The following EIF5B variants were observed in gnomAD, a reference collection of about 807,000 sequenced individuals.
EIF5B encodes eIF-5B.
A neutral mutation model predicts 147.5 loss-of-function variants in EIF5B; 47 were observed. The ratio of observed to expected loss-of-function variants is 0.32; its 90% CI spans 0.25 to 0.41. EIF5B has a LOEUF of 0.41. EIF5B is among the 10% of genes least tolerant of loss of function. The pLI, the probability that EIF5B is intolerant of heterozygous loss-of-function variation, is 1.00. For missense variants in EIF5B, 1,064 were observed against 1,413.2 expected, an observed-to-expected ratio of 0.75 and a Z score of 3.96; for synonymous variants, 455 against 456.2, an observed-to-expected ratio of 1.00 and a Z score of 0.03.
intron 9 of EIF5B, among the ~76,000 whole-genome samples, chr2:99,372,022 A>G (rs1436919436): frequency 6.6e-6 from 1 of 152,230 alleles, no homozygotes; most frequent in Non-Finnish European, 1.5e-5. Context: ...CTGACCTACA[A>G]AAAGCACTGT....
intron 6 of EIF5B, 86 bp from the exon 7 acceptor site, chr2:99,368,407 G>A: frequency 2.1e-6 from 2 of 955,284 alleles, no homozygotes; most frequent in Admixed American, 2.2e-5. Context: ...TGTCTCTGTG[G>A]TGAATGAAAT....
chr2:99,379,666 T>C (rs934756876), intron 12 of EIF5B, among the ~76,000 whole-genome samples: 2 of 152,192 alleles, frequency 1.3e-5, no homozygotes, highest in African/African-American at 4.8e-5. Context: ...AGGCAGCCAC[T>C]ATTCCACAGT....
rs1226417973 is a variant in EIF5B, at chr2:99,401,110, T to G, written c.*1696T>G. The G allele has an allele frequency of 1.9e-6, 1 of 520,196 alleles. No individual in the cohort carries two copies. Among genetic ancestry groups the G allele is most frequent in the Non-Finnish European group, 3.4e-6 (1 of 296,576 alleles). The allele number at this position is 520,196 out of a possible 1,614,324, so 32.2% of individuals were successfully genotyped here. On this transcript the variant is annotated 3_prime_UTR_variant, in exon 24 of 24. Transcript: ENST00000289371. ...AAATTTGGCACTTTTTGAAAAGAAATGTACAAAACACTTGCTTTAAAAGAA... is the reference window on the plus strand; with the variant it reads ...AAATTTGGCACTTTTTGAAAAGAAAGGTACAAAACACTTGCTTTAAAAGAA...
rs1160502856 is a variant in EIF5B, at chr2:99,399,545, G to A, written c.*131G>A. The A allele has an allele frequency of 3.8e-6, 3 of 782,636 alleles. No homozygotes were observed. In the East Asian group the frequency reaches 8.3e-5, roughly 22 times the overall value. The allele number at this position is 782,636 out of a possible 1,614,324, so 48.5% of individuals were successfully genotyped here. The stretch of plus-strand genomic sequence containing the variant: ...TTAAGTATGGAAGGAAGAAAAATAG[G>A]TGTATAAAATGTTTTCCATGAGAAA... On this transcript the variant is annotated 3_prime_UTR_variant, in exon 24 of 24. Transcript: ENST00000289371.
chr2:99,361,029 CTT>C (rs2105344706), intron 3 of EIF5B, 117 bp from the exon 4 acceptor site: 1 of 1,065,558 alleles, frequency 9.4e-7, no homozygotes, highest in Non-Finnish European at 1.3e-6. Context: ...GTGAAAAAGA[CTT>C]TGAAAAAGAT....
chr2:99,362,525 C>T (rs576481732), intron 4 of EIF5B, among the ~76,000 whole-genome samples: 12 of 152,044 alleles, frequency 7.9e-5, no homozygotes, highest in African/African-American at 2.9e-4. Flanking sequence ...ATGGTGAAAC[C>T]CCATCTCTAC....
intron 7 of EIF5B, 142 bp downstream of exon 7, chr2:99,368,733 A>G (rs1674378255): frequency 3.1e-6 from 2 of 649,594 alleles, no homozygotes; most frequent in South Asian, 2.0e-5. Flanking sequence ...TTTCTTATTA[A>G]TGCCATTATT....
chr2:99,389,002 AG>A (rs1674867762), intron 14 of EIF5B, among the ~76,000 whole-genome samples: 1 of 152,214 alleles, frequency 6.6e-6, no homozygotes, highest in African/African-American at 2.4e-5. Flanking sequence ...TACAAGCTTC[AG>A]GCTTTTCCTT....
chr2:99,349,658 T>C (rs1673870951), intron 1 of EIF5B, among the ~76,000 whole-genome samples: 1 of 152,168 alleles, frequency 6.6e-6, no homozygotes, highest in South Asian at 2.1e-4. Context: ...ACTGGAAAAA[T>C]ACAAGTTGTA....
intron 14 of EIF5B, among the ~76,000 whole-genome samples, chr2:99,383,881 A>G (rs901568997): frequency 1.2e-4 from 18 of 152,080 alleles, no homozygotes; most frequent in African/African-American, 3.9e-4. Flanking sequence ...GTTAGGGTCT[A>G]ATGTGGTTGG....
At chr2:99,354,402 G>T (rs971457064) in intron 1 of EIF5B, among the ~76,000 whole-genome samples, 1 of 152,060 alleles carries the variant, frequency 6.6e-6, no homozygotes, top group South Asian at 2.1e-4. Context: ...TTTTACTGTT[G>T]AGTTTTGAGA....
At chr2:99,383,544 C>G (rs1390351995) in intron 14 of EIF5B, among the ~76,000 whole-genome samples, 1 of 152,196 alleles carries the variant, frequency 6.6e-6, no homozygotes, top group African/African-American at 2.4e-5. Context: ...AAGGCCCTCT[C>G]TTCAATTCTG....
intron 4 of EIF5B, among the ~76,000 whole-genome samples, chr2:99,362,967 C>T (rs1674251393): frequency 6.6e-6 from 1 of 152,004 alleles, no homozygotes; most frequent in Non-Finnish European, 1.5e-5. Context: ...TCATGTTCGC[C>T]AGGCTGGTCT....
In EIF5B at chr2:99,401,055, T is replaced by A. The variant is rs200611207; in HGVS notation, c.*1641T>A. 1 of 394,398 alleles carries A rather than the reference T, an allele frequency of 2.5e-6. No individual in the cohort carries two copies. The highest frequency in any genetic ancestry group is 4.8e-5 in the East Asian group (1 of 20,768). The allele number at this position is 394,398 out of a possible 1,614,324, so 24.4% of individuals were successfully genotyped here. On this transcript the variant is annotated 3_prime_UTR_variant, in exon 24 of 24. Coordinates refer to ENST00000289371, the MANE Select transcript of EIF5B (RefSeq NM_015904.4). Reference sequence around the variant, plus strand: ...TAGAATCTATGCTACAGTAAAATAATTAACACAATTATTTACATGCAATAC... The same window carrying A: ...TAGAATCTATGCTACAGTAAAATAAATAACACAATTATTTACATGCAATAC...
In EIF5B at chr2:99,345,260, A is replaced by G. The variant is rs561603815; in HGVS notation, c.35+7671A>G. Among the ~76,000 whole-genome samples the G allele has an allele frequency of 6.6e-5, 10 of 152,298 alleles. No homozygotes were observed. In the East Asian group the frequency reaches 1.7e-3, roughly 26 times the overall value. Reference sequence around the variant, plus strand: ...AGAGTCGTGATTGCCACTCCAGAATAGGACTTTTTCCTTATTTATTAGTGC... The same window carrying G: ...AGAGTCGTGATTGCCACTCCAGAATGGGACTTTTTCCTTATTTATTAGTGC... On this transcript the variant is annotated intron_variant, in intron 1 of 23. Coordinates refer to ENST00000289371, the MANE Select transcript of EIF5B (RefSeq NM_015904.4).
intron 23 of EIF5B, 83 bp downstream of exon 23, chr2:99,398,992 C>T: frequency 1.4e-6 from 2 of 1,465,940 alleles, no homozygotes; most frequent in Non-Finnish European, 1.8e-6. Context: ...GCTCCTTGGG[C>T]TTCAGTTTGA....
intron 17 of EIF5B, 39 bp downstream of exon 17, chr2:99,390,744 T>C: frequency 6.4e-7 from 1 of 1,570,372 alleles, no homozygotes; most frequent in South Asian, 1.2e-5. Flanking sequence ...TGGGGACTTG[T>C]ACAGTGTTTA....
Position 99,399,125 on chromosome 2 carries a change from C to G in EIF5B, c.3556-182C>G, listed in dbSNP as rs575532255. The G allele has an allele frequency of 1.0e-5, 8 of 762,454 alleles. No homozygotes were observed. The African/African-American group carries it at 1.2e-4, about 12-fold the overall frequency. The allele number at this position is 762,454 out of a possible 1,614,324, so 47.2% of individuals were successfully genotyped here. A position where few individuals can be genotyped will look rare whatever the true frequency, so the allele number is the denominator to read the frequency against. ...CAGAGAAAGCTAGGACTTTTAGGTC[C>G]CCTCGTGCCTGACATGCAAACCAGA... On this transcript the variant is annotated intron_variant, in intron 23 of 23. Coordinates refer to ENST00000289371, the MANE Select transcript of EIF5B (RefSeq NM_015904.4).
intron 1 of EIF5B, among the ~76,000 whole-genome samples, chr2:99,340,408 T>G (rs1299237382): frequency 1.3e-5 from 2 of 152,144 alleles, no homozygotes; most frequent in Non-Finnish European, 2.9e-5. Context: ...GGTCCACACT[T>G]TAAAGATTTT....
Sources: gnomAD v4.1 joint callset for allele counts (sites outside exome capture counted in the v4.1 genomes callset) on GRCh38, gnomAD v4.1.1 for gene constraint, MANE v1.5 for transcripts, NCBI Gene and HGNC (gene_info 2026-07-23, HGNC 2026-07-21) for gene names.